PKHD1L1: variants seen among roughly 807,000 people sequenced by gnomAD.
PKHD1L1 encodes PKHD1 like 1.
PKHD1L1 carries 434 observed loss-of-function variants against 462.9 expected under a neutral mutation model. That is an observed-to-expected ratio of 0.94 (90% confidence interval 0.87 to 1.02). The LOEUF is 1.02. Ranked by LOEUF, PKHD1L1 falls within the 50% of genes least tolerant of loss-of-function variation. PKHD1L1 has a pLI of 0.00. For missense variants in PKHD1L1, 5,202 were observed against 5,096.1 expected (o/e 1.02, Z -0.63); for synonymous variants, 1,781 against 1,750.0 (o/e 1.02, Z -0.44).
intron 62 of PKHD1L1, 139 bp from the exon 63 acceptor site, chr8:109,493,522 A>G: frequency 2.1e-6 from 1 of 470,746 alleles, no homozygotes; most frequent in Non-Finnish European, 3.6e-6. Context: ...AATGGGGTAA[A>G]TAATAAATAC....
In PKHD1L1 at chr8:109,464,394, T is replaced by C. The variant is rs746180326; in HGVS notation, c.7562T>C (p.Ile2521Thr). The C allele has an allele frequency of 6.2e-7, 1 of 1,613,318 alleles. No individual in the cohort carries two copies. The highest frequency in any genetic ancestry group is 1.3e-5 in the African/African-American group (1 of 74,864). ...LLVERNIIYD[I>T]KGGAFFIEDG... ...GTTGAGAGGAATATTATATATGATA[T>C]TAAGGGAGGAGCATTTTTTATAGAA... is the stretch of plus-strand genomic sequence containing the variant. The change falls in exon 49 of 78, where the codon ATT becomes ACT. Residue 2521 changes from isoleucine to threonine, a missense_variant. By Grantham distance (89) the Ile-to-Thr change is moderately conservative. This residue lies in a region of PKHD1L1 where 4,497 missense variants were observed against 4,336.8 expected (regional missense o/e 1.04). Coordinates refer to ENST00000378402, the MANE Select transcript of PKHD1L1 (RefSeq NM_177531.6).
chr8:109,479,965 A>G, intron 54 of PKHD1L1, 26 bp from the exon 55 acceptor site: 2 of 1,528,210 alleles, frequency 1.3e-6, no homozygotes, highest in East Asian at 2.4e-5. Context: ...GGATTATGTT[A>G]TATTTCTTAA....
chr8:109,378,444 A>G (rs1377856909), intron 2 of PKHD1L1, among the ~76,000 whole-genome samples: 1 of 152,154 alleles, frequency 6.6e-6, no homozygotes, highest in East Asian at 1.9e-4. Context: ...ACTTGCTATT[A>G]TTTGAATCCA....
chr8:109,433,670 A>G (rs1784434297), intron 28 of PKHD1L1, among the ~76,000 whole-genome samples: 1 of 152,280 alleles, frequency 6.6e-6, no homozygotes, highest in East Asian at 1.9e-4. Context: ...AGATCATTCA[A>G]ATTTTTTTAA....
intron 38 of PKHD1L1, among the ~76,000 whole-genome samples, chr8:109,446,433 TAA>T (rs1816145245): frequency 6.6e-6 from 1 of 152,200 alleles, no homozygotes; most frequent in African/African-American, 2.4e-5. Context: ...ATTATAAAGT[TAA>T]AGAAGTTTAT....
At position 109,497,171 on chromosome 8, in the gene PKHD1L1, T is replaced by A; in HGVS notation, c.10498T>A (p.Tyr3500Asn). 1 of 1,613,830 alleles carries A rather than the reference T, an allele frequency of 6.2e-7. No individual in the cohort carries two copies. Among genetic ancestry groups the A allele is most frequent in the South Asian group, 1.1e-5 (1 of 91,070 alleles). ...GCAGACCACAGAGAGTGTGCACATT[T>A]ATAATGTGACCCTGGTTGACAATGG... is the stretch of plus-strand genomic sequence containing the variant. ...YFQTTESVHI[Y>N]NVTLVDNGMA... The change falls in exon 65 of 78, where the codon TAT becomes AAT. Residue 3500 changes from tyrosine to asparagine, a missense_variant. Coordinates refer to ENST00000378402, the MANE Select transcript of PKHD1L1 (RefSeq NM_177531.6).
intron 67 of PKHD1L1, among the ~76,000 whole-genome samples, chr8:109,503,540 G>A (rs1438308231): frequency 6.6e-6 from 1 of 152,158 alleles, no homozygotes; most frequent in African/African-American, 2.4e-5. Context: ...AAACATAACT[G>A]ATTTAAGAAT....
intron 32 of PKHD1L1, among the ~76,000 whole-genome samples, chr8:109,439,796 T>C (rs1815670385): frequency 6.6e-6 from 1 of 152,140 alleles, no homozygotes; most frequent in African/African-American, 2.4e-5. Context: ...AGGAAGATAC[T>C]GAAATTTTAT....
intron 61 of PKHD1L1, 72 bp from the exon 62 acceptor site, chr8:109,491,801 A>G: frequency 7.6e-7 from 1 of 1,322,868 alleles, no homozygotes; most frequent in Non-Finnish European, 1.0e-6. Context: ...AAAAGACATT[A>G]CTCCTAATAG....
chr8:109,410,106 C>T, intron 19 of PKHD1L1, 128 bp downstream of exon 19: 1 of 541,888 alleles, frequency 1.8e-6, no homozygotes, highest in Non-Finnish European at 3.2e-6. Context: ...GCAAAAATGA[C>T]TTTGTTATAC....
chr8:109,485,121 G>T lies in PKHD1L1; in HGVS notation c.9654G>T (p.Leu3218=). The T allele has an allele frequency of 6.3e-7, 1 of 1,598,522 alleles. No individual in the cohort carries two copies. Among genetic ancestry groups the T allele is most frequent in the South Asian group, 1.1e-5 (1 of 87,928 alleles). ...QTETRSIVKI[L]HDHKILILND... ...AAACAAGAAGTATCGTTAAAATCCTGCATGATCATAAAATTCTCATTCTTA... is the reference window on the plus strand; with the variant it reads ...AAACAAGAAGTATCGTTAAAATCCTTCATGATCATAAAATTCTCATTCTTA... The change falls in exon 58 of 78, where the codon CTG becomes CTT. Residue 3218 remains leucine (L), a synonymous_variant. Transcript: ENST00000378402.
chr8:109,475,689 A>T (rs1817947083), intron 51 of PKHD1L1, among the ~76,000 whole-genome samples: 1 of 151,654 alleles, frequency 6.6e-6, no homozygotes, highest in Admixed American at 6.6e-5. Context: ...ATACAAAAAA[A>T]AAAAAAGATT....
intron 2 of PKHD1L1, among the ~76,000 whole-genome samples, chr8:109,373,533 T>C (rs1326450344): frequency 1.3e-5 from 2 of 152,212 alleles, no homozygotes; most frequent in African/African-American, 4.8e-5. Context: ...TAGTTATTTC[T>C]TGCCTTCTGC....
rs1563747977 is a variant in PKHD1L1, at chr8:109,410,734, T to TTTTTTTTTTTG, written c.2085+766_2085+767insGTTTTTTTTTT. ...TCTTTTCTTTTCTTTTTCTTTTTTTTTTTTTTTTTTTTTGAGACGGAGTCT... is the reference window on the plus strand; with the variant it reads ...TCTTTTCTTTTCTTTTTCTTTTTTTTTTTTTTTTTTGTTTTTTTTTTTTTGAGACGGAGTCT... On this transcript the variant is annotated intron_variant, in intron 19 of 77. Coordinates refer to ENST00000378402, the MANE Select transcript of PKHD1L1 (RefSeq NM_177531.6). Among the ~76,000 whole-genome samples the TTTTTTTTTTTG allele has an allele frequency of 6.3e-5, 7 of 111,150 alleles. 1 individual carries two copies. The highest frequency in any genetic ancestry group is 3.0e-4 in the South Asian group (1 of 3,296). The allele number at this position is 111,150 out of a possible 152,430, so 72.9% of individuals were successfully genotyped here. A position where few individuals can be genotyped will look rare whatever the true frequency, so the allele number is the denominator to read the frequency against.
chr8:109,453,042 A>T (rs114036177), intron 43 of PKHD1L1, among the ~76,000 whole-genome samples, 168 bp downstream of exon 43: 74 of 152,274 alleles, frequency 4.9e-4, no homozygotes, highest in African/African-American at 1.6e-3. Context: ...TGTGATTATG[A>T]TATTATTTAA....
chr8:109,470,947 T>C (rs1817683602), intron 50 of PKHD1L1: 1 of 1,609,128 alleles, frequency 6.2e-7, no homozygotes, highest in South Asian at 1.1e-5. Context: ...TGAACAACAG[T>C]GGGGAGTTCC....
In PKHD1L1 at chr8:109,481,571, C is replaced by A. The variant is rs1391056126; in HGVS notation, c.9457+9C>A. The A allele has an allele frequency of 6.4e-7, 1 of 1,556,228 alleles. No homozygotes were observed. The highest frequency in any genetic ancestry group is 2.0e-5 in the Admixed American group (1 of 49,470). On this transcript the variant is annotated intron_variant, in intron 56 of 77. Transcript: ENST00000378402. ...AGGGGCAAAGGTCTTAGGTGTGTGT[C>A]TACAGATACCAAAAGTGTCACATCT...
At position 109,389,064 on chromosome 8, in the gene PKHD1L1, C is replaced by CT. The variant is rs1340041451; in HGVS notation, c.624-7dup. 2.4e-5 allele frequency: 37 copies of CT among 1,555,384 alleles called. No homozygotes were observed. Among genetic ancestry groups the CT allele is most frequent in the South Asian group, 4.6e-5 (4 of 86,320 alleles). On this transcript the variant is annotated splice_polypyrimidine_tract_variant and intron_variant, in intron 7 of 77. Transcript: ENST00000378402. ...GTGTCTATATAAGCTTTGACATTAA[C>CT]TTTTTTTTAATTAGATATGGTCTAA...
chr8:109,459,731 G>A lies in PKHD1L1; in HGVS notation c.7141G>A (p.Ala2381Thr), dbSNP rs1268524911. Reference protein sequence around the residue: ...VTLPDGTLFEARAEVGILTRN... With the variant: ...VTLPDGTLFETRAEVGILTRN... ...ACTCCCTGATGGAACTCTGTTTGAA[G>A]CAAGAGCAGAAGTTGGAATTCTTAC... The change falls in exon 47 of 78, where the codon GCA becomes ACA. Residue 2381 changes from alanine (A) to threonine (T), a missense_variant. By Grantham distance (58) the Ala-to-Thr change is moderately conservative (BLOSUM62 0). Transcript: ENST00000378402. 1.9e-6 allele frequency: 3 copies of A among 1,612,060 alleles called. No individual in the cohort carries two copies. Among genetic ancestry groups the A allele is most frequent in the Non-Finnish European group, 1.7e-6 (2 of 1,178,870 alleles).
Sources: allele counts gnomAD v4.1 joint callset (sites outside exome capture counted in the v4.1 genomes callset), GRCh38; gene constraint gnomAD v4.1.1; regional missense constraint gnomAD v4.1.1; transcripts MANE v1.5; gene names NCBI Gene and HGNC (gene_info 2026-07-23, HGNC 2026-07-21).